PSORS1C1: variants seen among roughly 807,000 people sequenced by gnomAD.
PSORS1C1 encodes psoriasis susceptibility 1 candidate 1.
Under a neutral mutation model 9.4 loss-of-function variants are expected in PSORS1C1, and 7 were observed. That is an observed-to-expected ratio of 0.75 (90% CI 0.42 to 1.40). The LOEUF (loss-of-function observed/expected upper bound fraction) is 1.40. PSORS1C1 is among the 40% of genes most tolerant of loss of function. The probability of loss-of-function intolerance (pLI) is 0.01; values close to 1 mark genes in which losing one functional copy is unlikely to be tolerated. For synonymous variants in PSORS1C1, 63 were observed against 69.4 expected (o/e 0.91, Z 0.46); for missense variants, 146 against 178.1 (o/e 0.82, Z 1.02).
chr6:31,116,125 C>G (rs768301621), intron 1 of PSORS1C1: 14 of 1,610,518 alleles, frequency 8.7e-6, no homozygotes, highest in Non-Finnish European at 9.3e-6. Flanking sequence ...CCGGATGGAG[C>G]GGCAGGGGAT....
intron 2 of PSORS1C1, among the ~76,000 whole-genome samples, 154 bp downstream of exon 2, chr6:31,125,993 C>T (rs965183870): frequency 2.0e-5 from 3 of 150,800 alleles, no homozygotes; most frequent in Middle Eastern, 3.2e-3. Context: ...CCTGTGCCCA[C>T]CCCCCACCCC....
At position 31,138,723 on chromosome 6, in the gene PSORS1C1, T is replaced by TC. The variant is rs9278990; in HGVS notation, c.118dup (p.His40ProfsTer3). On this transcript the variant is annotated frameshift_variant, in exon 5 of 6. Transcript: ENST00000259881. LOFTEE classifies it high-confidence loss of function. ...CAGATCCCAGCTCCGAGGAAACTCG[T>TC]CCCCCCCACGTTAATCCTGACCGAC... 186,299 of 1,612,684 alleles carry TC rather than the reference T, an allele frequency of 0.12. 13,067 individuals carry two copies. Among genetic ancestry groups the TC allele is most frequent in the Middle Eastern group, 0.22 (1,310 of 6,062 alleles).
chr6:31,118,607 C>G (rs1323435555), intron 1 of PSORS1C1: 1 of 152,430 alleles, frequency 6.6e-6, no homozygotes, highest in African/African-American at 2.4e-5. Context: ...GCTCAAAACC[C>G]CAGGCCCAAC....
At chr6:31,137,135 A>G (rs1366716749) in intron 3 of PSORS1C1, among the ~76,000 whole-genome samples, 4 of 141,884 alleles carry the variant, frequency 2.8e-5, no homozygotes, top group African/African-American at 1.1e-4. Context: ...GCATAGAGTG[A>G]GACTCCGTCT....
intron 3 of PSORS1C1, among the ~76,000 whole-genome samples, chr6:31,135,999 G>A (rs1773121725): frequency 1.3e-5 from 2 of 152,196 alleles, no homozygotes; most frequent in African/African-American, 4.8e-5. Flanking sequence ...AGCTATACGA[G>A]CCATGATCGT....
chr6:31,124,583 G>C (rs1215231764), intron 1 of PSORS1C1, among the ~76,000 whole-genome samples: 1 of 152,210 alleles, frequency 6.6e-6, no homozygotes, highest in African/African-American at 2.4e-5. Flanking sequence ...GAATGGCAGA[G>C]GTTCATGGAC....
intron 2 of PSORS1C1, among the ~76,000 whole-genome samples, chr6:31,127,758 G>A (rs959056786): frequency 6.6e-6 from 1 of 151,880 alleles, no homozygotes; most frequent in Non-Finnish European, 1.5e-5. Flanking sequence ...AGGTTGCAGT[G>A]AGCTGAGATC....
At chr6:31,120,559 G>T in intron 1 of PSORS1C1, 1 of 745,840 alleles carries the variant, frequency 1.3e-6, no homozygotes, top group Non-Finnish European at 2.3e-6. Context: ...GGGGAAGTTG[G>T]TGTGGCCGGG....
intron 2 of PSORS1C1, among the ~76,000 whole-genome samples, chr6:31,127,474 C>G (rs950924427): frequency 9.2e-5 from 14 of 152,076 alleles, no homozygotes; most frequent in African/African-American, 2.9e-4. Flanking sequence ...GGCGCCGACT[C>G]CTTGGCAGTG....
At chr6:31,134,526 C>T (rs1009352481) in intron 3 of PSORS1C1, among the ~76,000 whole-genome samples, 14 of 151,974 alleles carry the variant, frequency 9.2e-5, no homozygotes, top group South Asian at 2.1e-4. Context: ...AGGATGGTCT[C>T]GATCTCCTGA....
At chr6:31,125,476 C>T (rs762035664) in intron 1 of PSORS1C1, among the ~76,000 whole-genome samples, 200 bp from the exon 2 acceptor site, 9 of 152,188 alleles carry the variant, frequency 5.9e-5, no homozygotes, top group Non-Finnish European at 1.0e-4. Context: ...CACTCTTCAC[C>T]TGGTTCCTCT....
chr6:31,140,028 G>T lies in PSORS1C1; in HGVS notation c.*96G>T. 2 of 1,244,136 alleles carry T rather than the reference G, an allele frequency of 1.6e-6. No individual in the cohort carries two copies. The highest frequency in any genetic ancestry group is 2.8e-5 in the South Asian group (2 of 72,180). The allele number at this position is 1,244,136 out of a possible 1,614,324, so 77.1% of individuals were successfully genotyped here. A position where few individuals can be genotyped will look rare whatever the true frequency, so the allele number is the denominator to read the frequency against. ...AAGTAACATGTCCAAAATAAAATTTGATTCCTCCCAGGTTGTTCCCTGCCT... is the reference window on the plus strand; with the variant it reads ...AAGTAACATGTCCAAAATAAAATTTTATTCCTCCCAGGTTGTTCCCTGCCT... On this transcript the variant is annotated 3_prime_UTR_variant, in exon 6 of 6. Coordinates refer to ENST00000259881, the MANE Select transcript of PSORS1C1 (RefSeq NM_014068.3). This position sits in a 1 kb window ranked among gnomAD's most constrained non-coding sequence, Gnocchi z 4.6.
intron 3 of PSORS1C1, 30 bp downstream of exon 3, chr6:31,129,675 C>T (rs768851364): frequency 1.2e-5 from 9 of 779,606 alleles, no homozygotes; most frequent in South Asian, 2.7e-5. Flanking sequence ...GTTGGTTCCT[C>T]TTCTGTGAAA....
chr6:31,137,893 G>T, intron 3 of PSORS1C1: 1 of 762,812 alleles, frequency 1.3e-6, no homozygotes, highest in Non-Finnish European at 2.0e-6. Flanking sequence ...GAATCAGAGG[G>T]TGGAGAGGGC....
chr6:31,119,397 A>G (rs1393935149), intron 1 of PSORS1C1, among the ~76,000 whole-genome samples: 3 of 152,188 alleles, frequency 2.0e-5, no homozygotes, highest in Non-Finnish European at 4.4e-5. Flanking sequence ...GACCATGGGA[A>G]GGTCGCAGAA....
chr6:31,131,277 G>C (rs1772900320), intron 3 of PSORS1C1, among the ~76,000 whole-genome samples: 1 of 152,170 alleles, frequency 6.6e-6, no homozygotes, highest in South Asian at 2.1e-4. Flanking sequence ...TGTATTCTCT[G>C]TCAGGGTTAC....
intron 1 of PSORS1C1, chr6:31,117,997 G>A (rs146724732): frequency 1.8e-3 from 300 of 171,302 alleles, no homozygotes; most frequent in African/African-American, 5.9e-3. Flanking sequence ...GAACAAGTAG[G>A]TCTAAAAGAA....
At chr6:31,116,236 A>T in intron 1 of PSORS1C1, 2 of 1,614,042 alleles carry the variant, frequency 1.2e-6, no homozygotes, top group Non-Finnish European at 1.7e-6. Context: ...GGAGACAGAC[A>T]TGCAAGGGTG....
intron 3 of PSORS1C1, among the ~76,000 whole-genome samples, chr6:31,135,408 C>T (rs959749899): frequency 6.6e-6 from 1 of 151,974 alleles, no homozygotes; most frequent in African/African-American, 2.4e-5. Flanking sequence ...TTAGTAGAGA[C>T]AGAGTTTCAC....
Sources: gnomAD v4.1 joint callset for allele counts (sites outside exome capture counted in the v4.1 genomes callset) on GRCh38, gnomAD v4.1.1 for gene constraint, Gnocchi (gnomAD v3.1) non-coding constraint, MANE v1.5 for transcripts, NCBI Gene and HGNC (gene_info 2026-07-23, HGNC 2026-07-21) for gene names.